Variants in REL observed in about 807,000 individuals in gnomAD.
REL encodes the protein REL proto-oncogene, NF-kB subunit, also known as proto-oncogene c-Rel.
Under a neutral mutation model 45.9 loss-of-function variants are expected in REL, and 15 were observed. The ratio of observed to expected loss-of-function variants is 0.33; its 90% confidence interval spans 0.22 to 0.50. The LOEUF (loss-of-function observed/expected upper bound fraction) is 0.50, where lower values mean the gene tolerates loss of function less well. REL is among the 20% of genes least tolerant of loss of function. The probability of loss-of-function intolerance (pLI) is 0.98; values close to 1 mark genes in which losing one functional copy is unlikely to be tolerated. For missense variants in REL, 601 were observed against 715.2 expected (o/e 0.84, Z 1.82); for synonymous variants, 239 against 242.1 (o/e 0.99, Z 0.12).
chr2:60,892,622 G>T (rs1335185595), intron 2 of REL, among the ~76,000 whole-genome samples: 2 of 151,604 alleles, frequency 1.3e-5, no homozygotes, highest in Non-Finnish European at 2.9e-5. Flanking sequence ...TAGAGACGGG[G>T]TTTCACCATG....
intron 3 of REL, chr2:60,900,453 A>G (rs1673462154): frequency 6.6e-6 from 1 of 152,438 alleles, no homozygotes; most frequent in African/African-American, 2.4e-5. Flanking sequence ...TAGTAATTGT[A>G]AAACACTGTA....
At position 60,922,057 on chromosome 2, in the gene REL, G is replaced by C; in HGVS notation, c.1286G>C (p.Cys429Ser). The change falls in exon 10 of 10, where the codon TGC becomes TCC. Residue 429 changes from cysteine to serine, a missense_variant. Physicochemically the swap from Cys to Ser is moderately radical, Grantham distance 112 (BLOSUM62 -1). Transcript: ENST00000394479. The part of the protein sequence containing the change: ...VGNDLNASNA[C>S]IYNNADDIVG... The stretch of plus-strand genomic sequence containing the variant: ...AATGATTTAAATGCTTCTAATGCTT[G>C]CATTTACAACAATGCCGATGACATA... 1.9e-6 allele frequency: 3 copies of C among 1,614,128 alleles called. No individual in the cohort carries two copies. The highest frequency in any genetic ancestry group is 2.5e-6 in the Non-Finnish European group (3 of 1,180,026).
In REL at chr2:60,896,009, T is replaced by C. The variant is rs1479394366; in HGVS notation, c.302+1464T>C. ...TAAATAGGTTTTCTGTTTTTTGTTT[T>C]TTTTTTTCTTTTTGAGACAGTCTTG... On this transcript the variant is annotated intron_variant, in intron 3 of 9. Coordinates refer to ENST00000394479, the MANE Select transcript of REL (RefSeq NM_001291746.2). Among the ~76,000 whole-genome samples the C allele has an allele frequency of 3.9e-5, 6 of 152,088 alleles. No homozygotes were observed. In the East Asian group the frequency reaches 1.2e-3, roughly 29 times the overall value.
At chr2:60,885,526 C>T (rs1393622908) in intron 1 of REL, among the ~76,000 whole-genome samples, 1 of 152,166 alleles carries the variant, frequency 6.6e-6, no homozygotes, top group African/African-American at 2.4e-5. Context: ...GTTGAATACT[C>T]ATCTGAAAAT....
In REL at chr2:60,901,075, C is replaced by T. The variant is rs1317942425; in HGVS notation, c.386C>T (p.Pro129Leu). Residue 129 changes from proline to leucine, a missense_variant, in exon 4 of 10, where the codon CCA becomes CTA. Physicochemically the swap from Pro to Leu is moderately conservative, Grantham distance 98. This residue lies in a region of REL where 241 missense variants were observed against 347.0 expected (regional missense o/e 0.69). Transcript: ENST00000394479. ...IITRIKAGIN[P>L]FNVPEKQLND... ...ACAAGAATAAAGGCAGGAATCAATC[C>T]ATTCAATGGTAAGTATGTTTGATAA... is the stretch of plus-strand genomic sequence containing the variant. The T allele has an allele frequency of 6.3e-7, 1 of 1,590,410 alleles. No homozygotes were observed. Among genetic ancestry groups the T allele is most frequent in the Non-Finnish European group, 8.5e-7 (1 of 1,171,094 alleles).
At chr2:60,895,592 T>C (rs1009222727) in intron 3 of REL, among the ~76,000 whole-genome samples, 2 of 152,178 alleles carry the variant, frequency 1.3e-5, no homozygotes, top group African/African-American at 4.8e-5. Context: ...ACAATAGTTC[T>C]AAGATAAAAA....
chr2:60,918,755 C>G (rs758748384), intron 7 of REL, 149 bp downstream of exon 7: 24 of 638,686 alleles, frequency 3.8e-5, no homozygotes, highest in Non-Finnish European at 5.7e-5. Context: ...TTTCTTTATG[C>G]TCTTTGCATC....
intron 4 of REL, among the ~76,000 whole-genome samples, chr2:60,901,462 A>G (rs1023869953): frequency 3.3e-5 from 5 of 152,126 alleles, no homozygotes; most frequent in African/African-American, 1.2e-4. Flanking sequence ...GTGCCCAGCT[A>G]TTTATATCTT....
rs549824510 is a variant in REL, at chr2:60,928,154, CAAAAA to C, written c.*5632_*5636del. 1.7e-4 allele frequency: 14 copies of C among 83,180 alleles called. No homozygotes were observed. Among genetic ancestry groups the C allele is most frequent in the Admixed American group, 4.3e-4 (3 of 6,998 alleles). 5.2% of individuals were successfully genotyped at this position (83,180 alleles called of 1,614,324 possible). A position where few individuals can be genotyped will look rare whatever the true frequency, so the allele number is the denominator to read the frequency against. On this transcript the variant is annotated 3_prime_UTR_variant, in exon 10 of 10. Transcript: ENST00000394479. ...GTAATATAAGGAAAACCTGTCTCTG[CAAAAA>C]AAAAAAAAAAAAGAGGATACAACCA...
rs561816810 is a variant in REL, at chr2:60,886,824, G to A, written c.11-4859G>A. Among the ~76,000 whole-genome samples the A allele has an allele frequency of 6.9e-4, 105 of 152,066 alleles. 1 individual carries two copies. Among genetic ancestry groups the A allele is most frequent in the Non-Finnish European group, 9.9e-4 (67 of 67,964 alleles). ...AAATAGCACTCTTTCTTGCCTAAGC[G>A]CAAATAAAAACATAGATATATCTTA... On this transcript the variant is annotated intron_variant, in intron 1 of 9. Transcript: ENST00000394479.
intron 3 of REL, among the ~76,000 whole-genome samples, chr2:60,895,048 G>A (rs1234918497): frequency 1.3e-5 from 2 of 151,368 alleles, no homozygotes; most frequent in African/African-American, 2.4e-5. Flanking sequence ...TAGTAGAGAT[G>A]GGGTTTCTCC....
chr2:60,890,897 A>G (rs1333973601), intron 1 of REL, among the ~76,000 whole-genome samples: 2 of 152,320 alleles, frequency 1.3e-5, no homozygotes, highest in African/African-American at 2.4e-5. Context: ...ATCATACAGT[A>G]TGTGCTCTTC....
At chr2:60,895,069 G>T (rs1252617094) in intron 3 of REL, among the ~76,000 whole-genome samples, 1 of 151,734 alleles carries the variant, frequency 6.6e-6, no homozygotes, top group Non-Finnish European at 1.5e-5. Flanking sequence ...ATGTTGGTCA[G>T]GCTGGTCTGG....
rs2103997389 is a variant in REL, at chr2:60,926,362, C to T, written c.*3827C>T. On this transcript the variant is annotated 3_prime_UTR_variant, in exon 10 of 10. Transcript: ENST00000394479. ...TTAGCCCAGCCATCTCTGTCTTTAG[C>T]TCCTACAATTTTCTTAGGATATTCT... The T allele has an allele frequency of 4.3e-6, 1 of 232,414 alleles. No individual in the cohort carries two copies. The highest frequency in any genetic ancestry group is 8.5e-6 in the Non-Finnish European group (1 of 117,432). 14.4% of individuals were successfully genotyped at this position (232,414 alleles called of 1,614,324 possible).
chr2:60,901,741 T>C (rs1673504107), intron 4 of REL, among the ~76,000 whole-genome samples: 1 of 152,122 alleles, frequency 6.6e-6, no homozygotes, highest in African/African-American at 2.4e-5. Flanking sequence ...AGGCACTGTG[T>C]TTATAAGGTA....
At position 60,925,232 on chromosome 2, in the gene REL, C is replaced by A; in HGVS notation, c.*2697C>A. 5.1e-6 allele frequency: 1 copy of A among 195,692 alleles called. No homozygotes were observed. The highest frequency in any genetic ancestry group is 2.3e-5 in the African/African-American group (1 of 43,378). 12.1% of individuals were successfully genotyped at this position (195,692 alleles called of 1,614,324 possible). ...GAAACAGTCTGTCATTTTACTTACA[C>A]GATGTCTAACCAAACCATAACTTTA... On this transcript the variant is annotated 3_prime_UTR_variant, in exon 10 of 10. Transcript: ENST00000394479.
chr2:60,881,705 G>T lies in REL; in HGVS notation c.-136G>T. On this transcript the variant is annotated 5_prime_UTR_variant, in exon 1 of 10. The change creates a new upstream start codon in the 5' untranslated region. Coordinates refer to ENST00000394479, the MANE Select transcript of REL (RefSeq NM_001291746.2). ...CAAACCCAGCGGAGGGCGGGAAGAA[G>T]GAGGAGGCCTCTAGGGTGGTCGGGG... is the stretch of plus-strand genomic sequence containing the variant. 1 of 634,630 alleles carries T rather than the reference G, an allele frequency of 1.6e-6. No individual in the cohort carries two copies. 39.3% of individuals were successfully genotyped at this position (634,630 alleles called of 1,614,324 possible).
chr2:60,893,423 A>G (rs1159123851), intron 2 of REL, among the ~76,000 whole-genome samples: 1 of 152,220 alleles, frequency 6.6e-6, no homozygotes, highest in Non-Finnish European at 1.5e-5. Flanking sequence ...GCTAATAAAA[A>G]GGAAATAAGG....
intron 4 of REL, among the ~76,000 whole-genome samples, chr2:60,902,302 T>C (rs1558800913): frequency 6.6e-6 from 1 of 152,214 alleles, no homozygotes; most frequent in East Asian, 1.9e-4. Context: ...TTCACACTAT[T>C]TAGTATAAAG....
Sources: allele counts gnomAD v4.1 joint callset (sites outside exome capture counted in the v4.1 genomes callset), GRCh38; gene constraint gnomAD v4.1.1; regional missense constraint gnomAD v4.1.1; transcripts MANE v1.5; gene names NCBI Gene and HGNC (gene_info 2026-07-23, HGNC 2026-07-21).